Variants in SEMA6B observed in about 807,000 individuals in gnomAD.
The protein encoded by SEMA6B is semaphorin-6B.
Under a neutral mutation model 78.6 loss-of-function variants are expected in SEMA6B, and 47 were observed. The ratio of observed to expected loss-of-function variants is 0.60; its 90% CI spans 0.47 to 0.76. The LOEUF is 0.76. Among genes scored for constraint, SEMA6B ranks in the 30% least tolerant of loss-of-function variants. The probability of loss-of-function intolerance (pLI) is 0.00; values close to 1 mark genes in which losing one functional copy is unlikely to be tolerated. For synonymous variants in SEMA6B, 632 were observed against 592.2 expected (o/e 1.07, Z -0.98); for missense variants, 1,213 against 1,269.9 (o/e 0.96, Z 0.68).
rs915811735 is a variant in SEMA6B, at chr19:4,543,449, C to A, written c.*152G>T. 5 of 163,534 alleles carry A rather than the reference C, an allele frequency of 3.1e-5. No homozygotes were observed. The highest frequency in any genetic ancestry group is 5.1e-5 in the Non-Finnish European group (4 of 79,090). 10.1% of individuals were successfully genotyped at this position (163,534 alleles called of 1,614,324 possible). On this transcript the variant is annotated 3_prime_UTR_variant, in exon 17 of 17. Transcript: ENST00000586582. ...GGGGAGGGCGAGCTGGTTGTGCTTC[C>A]TTGTGGCGGAGGGGGCCCCCCACTC...
At chr19:4,546,340 G>A (rs1977165527) in intron 15 of SEMA6B, 52 bp downstream of exon 15, 1 of 1,595,700 alleles carries the variant, frequency 6.3e-7, no homozygotes, top group Admixed American at 1.7e-5. Flanking sequence ...GGGGATCTGG[G>A]ATCATGGGCG....
intron 3 of SEMA6B, 48 bp downstream of exon 3, chr19:4,557,978 C>T (rs748129671): frequency 7.3e-5 from 96 of 1,308,836 alleles, no homozygotes; most frequent in East Asian, 1.8e-4. Flanking sequence ...CTCTCCCCCT[C>T]GCTCATTCTG....
intron 12 of SEMA6B, among the ~76,000 whole-genome samples, chr19:4,549,574 G>GT: frequency 6.6e-6 from 1 of 152,292 alleles, no homozygotes; most frequent in Non-Finnish European, 1.5e-5. Flanking sequence ...CGCCTCCCGG[G>GT]TTCATGCCAT....
intron 3 of SEMA6B, 28 bp from the exon 4 acceptor site, chr19:4,557,251 C>G (rs780669576): frequency 5.9e-6 from 9 of 1,534,340 alleles, no homozygotes; most frequent in Non-Finnish European, 7.1e-6. Flanking sequence ...TTAGTGAGAA[C>G]TGGGGGCTCC....
Position 4,544,068 on chromosome 19 carries a change from C to T in SEMA6B, c.2200G>A (p.Ala734Thr). 8.1e-7 allele frequency: 1 copy of T among 1,230,990 alleles called. No individual in the cohort carries two copies. The highest frequency in any genetic ancestry group is 3.3e-5 in the South Asian group (1 of 30,148). The allele number at this position is 1,230,990 out of a possible 1,614,324, so 76.3% of individuals were successfully genotyped here. Reference sequence around the variant, plus strand: ...AGCAGGGGGTGGCCGTGGTCCCAGGCGCGGGGGCCCAGGGCGTGGGGGTGC... The same window carrying T: ...AGCAGGGGGTGGCCGTGGTCCCAGGTGCGGGGGCCCAGGGCGTGGGGGTGC... ...HPHPHALGPR[A>T]WDHGHPLLPA... The change falls in exon 17 of 17, where the codon GCC becomes ACC. Residue 734 changes from alanine to threonine, a missense_variant. Physicochemically the swap from Ala to Thr is moderately conservative, Grantham distance 58. Coordinates refer to ENST00000586582, the MANE Select transcript of SEMA6B (RefSeq NM_032108.4). This position sits in a 1 kb window ranked among gnomAD's most constrained non-coding sequence, Gnocchi z 5.1.
chr19:4,559,015 G>A (rs528606653), intron 1 of SEMA6B, among the ~76,000 whole-genome samples: 2 of 152,022 alleles, frequency 1.3e-5, no homozygotes, highest in East Asian at 3.9e-4. Flanking sequence ...CTAACATAGC[G>A]AAACCCTGTC....
chr19:4,549,281 G>T (rs1977253998), intron 12 of SEMA6B, among the ~76,000 whole-genome samples: 1 of 147,042 alleles, frequency 6.8e-6, no homozygotes, highest in Non-Finnish European at 1.5e-5. Context: ...CTCCTGGTGT[G>T]TGTCTGTCTG....
At chr19:4,548,005 C>A in intron 14 of SEMA6B, 22 bp downstream of exon 14, 1 of 1,521,410 alleles carries the variant, frequency 6.6e-7, no homozygotes, top group South Asian at 1.2e-5. Flanking sequence ...CCGCCCACGG[C>A]TGGCCTGGGG....
At position 4,543,222 on chromosome 19, in the gene SEMA6B, C is replaced by T; in HGVS notation, c.*379G>A. 1.8e-6 allele frequency: 1 copy of T among 546,260 alleles called. No individual in the cohort carries two copies. Among genetic ancestry groups the T allele is most frequent in the Middle Eastern group, 4.9e-4 (1 of 2,054 alleles). 33.8% of individuals were successfully genotyped at this position (546,260 alleles called of 1,614,324 possible). A position where few individuals can be genotyped will look rare whatever the true frequency, so the allele number is the denominator to read the frequency against. On this transcript the variant is annotated 3_prime_UTR_variant, in exon 17 of 17. Coordinates refer to ENST00000586582, the MANE Select transcript of SEMA6B (RefSeq NM_032108.4). ...GGCTTAGGTCTGCAGCTGTGGCCCC[C>T]CATTCCCCACCGGCGTCCAAGCCTC...
rs907033613 is a variant in SEMA6B, at chr19:4,550,498, G to A, written c.1122-226C>T. Among the ~76,000 whole-genome samples, 1 of 152,088 alleles carries A rather than the reference G, an allele frequency of 6.6e-6. No homozygotes were observed. Among genetic ancestry groups the A allele is most frequent in the Non-Finnish European group, 1.5e-5 (1 of 68,012 alleles). ...CCTGCTTCAGCCACCCGAGTGGCTGGGATTACAGGCACGTGCCATCACGCC... is the reference window on the plus strand; with the variant it reads ...CCTGCTTCAGCCACCCGAGTGGCTGAGATTACAGGCACGTGCCATCACGCC... On this transcript the variant is annotated intron_variant, in intron 11 of 16. Transcript: ENST00000586582. This position sits in a 1 kb window ranked among gnomAD's most constrained non-coding sequence, Gnocchi z 6.6.
In SEMA6B at chr19:4,550,467, G is replaced by A. The variant is rs1485804921; in HGVS notation, c.1122-195C>T. Among the ~76,000 whole-genome samples the A allele has an allele frequency of 4.6e-5, 7 of 152,214 alleles. No individual in the cohort carries two copies. The highest frequency in any genetic ancestry group is 4.8e-5 in the African/African-American group (2 of 41,528). ...CAACCTCCACCTCCTGGGTTCAAGC[G>A]ATTCTCCTGCTTCAGCCACCCGAGT... On this transcript the variant is annotated intron_variant, in intron 11 of 16. Coordinates refer to ENST00000586582, the MANE Select transcript of SEMA6B (RefSeq NM_032108.4). This position sits in a 1 kb window ranked among gnomAD's most constrained non-coding sequence, Gnocchi z 6.6.
Position 4,555,461 on chromosome 19 carries a change from G to C in SEMA6B, c.562+13C>G, listed in dbSNP as rs370410530. 6 of 1,607,236 alleles carry C rather than the reference G, an allele frequency of 3.7e-6. No homozygotes were observed. Among genetic ancestry groups the C allele is most frequent in the Admixed American group, 1.7e-5 (1 of 58,660 alleles). On this transcript the variant is annotated intron_variant, in intron 7 of 16. Coordinates refer to ENST00000586582, the MANE Select transcript of SEMA6B (RefSeq NM_032108.4). The surrounding 1 kb of genome is among the most constrained non-coding windows in gnomAD (Gnocchi z 6.1). Reference sequence around the variant, plus strand: ...GCTGGGGCTGATCAGATGGAGGTTGGGGGGGTACTTACCAGAGAAGAGGGC... The same window carrying C: ...GCTGGGGCTGATCAGATGGAGGTTGCGGGGGTACTTACCAGAGAAGAGGGC...
In SEMA6B at chr19:4,552,646, G is replaced by A. The variant is rs747643170; in HGVS notation, c.772-7C>T. ...CCACGCGGGACACCACCACCTGGGC[G>A]TGACAGTGGACGGACGGGGGCCTGA... On this transcript the variant is annotated splice_region_variant and splice_polypyrimidine_tract_variant and intron_variant, in intron 9 of 16. Coordinates refer to ENST00000586582, the MANE Select transcript of SEMA6B (RefSeq NM_032108.4). The surrounding 1 kb of genome is among the most constrained non-coding windows in gnomAD (Gnocchi z 7.4). The A allele has an allele frequency of 1.3e-5, 21 of 1,596,480 alleles. No individual in the cohort carries two copies. The Admixed American group carries it at 1.7e-4, about 13-fold the overall frequency.
At chr19:4,557,809 G>C (rs1977512843) in intron 3 of SEMA6B, among the ~76,000 whole-genome samples, 1 of 152,152 alleles carries the variant, frequency 6.6e-6, no homozygotes, top group Non-Finnish European at 1.5e-5. Flanking sequence ...GCCACCAGAG[G>C]GCGGGCGCGT....
In SEMA6B at chr19:4,550,325, G is replaced by A. The variant is rs1306736690; in HGVS notation, c.1122-53C>T. 1.8e-5 allele frequency: 28 copies of A among 1,592,090 alleles called. No homozygotes were observed. Among genetic ancestry groups the A allele is most frequent in the Middle Eastern group, 1.7e-4 (1 of 6,010 alleles). On this transcript the variant is annotated intron_variant, in intron 11 of 16. Transcript: ENST00000586582. This position sits in a 1 kb window ranked among gnomAD's most constrained non-coding sequence, Gnocchi z 6.6. The stretch of plus-strand genomic sequence containing the variant: ...CGAACGTAAAGGTTCTCATAAAGGG[G>A]CCTGATTCACCAGAGGTACCCATTG...
At chr19:4,553,672 G>A (rs12609407) in intron 9 of SEMA6B, among the ~76,000 whole-genome samples, 12 of 142,932 alleles carry the variant, frequency 8.4e-5, no homozygotes, top group African/African-American at 3.1e-4. Flanking sequence ...GAATGGATGG[G>A]TGGATGGATT....
chr19:4,556,409 G>A (rs2061805182), intron 5 of SEMA6B, among the ~76,000 whole-genome samples: 1 of 151,900 alleles, frequency 6.6e-6, no homozygotes, highest in Admixed American at 6.6e-5. Context: ...GGGCATGGTC[G>A]TGACCAGAAC....
chr19:4,556,336 G>A (rs1052073848), intron 5 of SEMA6B, among the ~76,000 whole-genome samples: 3 of 152,188 alleles, frequency 2.0e-5, no homozygotes, highest in African/African-American at 7.2e-5. Context: ...GGCAATAGCA[G>A]AGTCCTAACC....
chr19:4,548,104 C>T lies in SEMA6B; in HGVS notation c.1524G>A (p.Gly508=). The stretch of plus-strand genomic sequence containing the variant: ...AGCGGGGGAAGGCAGCCAGCAGGCC[C>T]CCCGAAGCTGCGTCCAGCTCCAAGC... ...LLSLELDAAS[G]GLLAAFPRCV... is the part of the protein sequence containing the mutation. The change falls in exon 14 of 17, where the codon GGG becomes GGA. Residue 508 remains glycine, a synonymous_variant. Coordinates refer to ENST00000586582, the MANE Select transcript of SEMA6B (RefSeq NM_032108.4). 1 of 1,591,358 alleles carries T rather than the reference C, an allele frequency of 6.3e-7. No homozygotes were observed. The highest frequency in any genetic ancestry group is 2.3e-5 in the East Asian group (1 of 44,428).
Sources: allele counts gnomAD v4.1 joint callset (sites outside exome capture counted in the v4.1 genomes callset), GRCh38; gene constraint gnomAD v4.1.1; non-coding constraint Gnocchi (gnomAD v3.1); transcripts MANE v1.5; gene names NCBI Gene and HGNC (gene_info 2026-07-23, HGNC 2026-07-21).